Variants in SAMSN1 observed in about 807,000 individuals in gnomAD.
SAMSN1 encodes the protein SAM domain, SH3 domain and nuclear localization signals 1, also known as SAM domain-containing protein SAMSN-1.
SAMSN1 carries 31 observed loss-of-function variants against 42.0 expected under a neutral mutation model. The observed-to-expected ratio is 0.74, with a 90% CI of 0.55 to 1.00. The LOEUF is 1.00. Ranked by LOEUF, SAMSN1 falls within the 50% of genes least tolerant of loss-of-function variation. The pLI, the probability that SAMSN1 is intolerant of heterozygous loss-of-function variation, is 0.00. For missense variants in SAMSN1, 464 were observed against 439.4 expected (o/e 1.06, Z -0.50); for synonymous variants, 178 against 151.9 (o/e 1.17, Z -1.26).
At chr21:14,644,555 C>G (rs1983676131) in intron 1 of SAMSN1, among the ~76,000 whole-genome samples, 1 of 152,116 alleles carries the variant, frequency 6.6e-6, no homozygotes. Flanking sequence ...GGGAAAGCCT[C>G]TGAGACTTAG....
chr21:14,582,723 G>T (rs1339288722), intron 1 of SAMSN1, among the ~76,000 whole-genome samples: 1 of 151,900 alleles, frequency 6.6e-6, no homozygotes, highest in African/African-American at 2.4e-5. Flanking sequence ...CATAACAATT[G>T]ATTAAATTCT....
At chr21:14,538,458 A>G (rs991431474) in intron 1 of SAMSN1, among the ~76,000 whole-genome samples, 5 of 152,116 alleles carry the variant, frequency 3.3e-5, no homozygotes, top group Non-Finnish European at 4.4e-5. Flanking sequence ...AATAATGTCT[A>G]CCTCCTGGGG....
At chr21:14,488,264 G>A (rs1406690563) in intron 7 of SAMSN1, among the ~76,000 whole-genome samples, 1 of 152,092 alleles carries the variant, frequency 6.6e-6, no homozygotes, top group African/African-American at 2.4e-5. Flanking sequence ...CCCAGATTAT[G>A]TTTGGGCCAA....
At chr21:14,570,050 G>C (rs1012776543) in intron 2 of SAMSN1, among the ~76,000 whole-genome samples, 1 of 151,770 alleles carries the variant, frequency 6.6e-6, no homozygotes, top group African/African-American at 2.4e-5. Context: ...AATCATTCTG[G>C]GTTCACACAG....
At chr21:14,533,063 C>T (rs954632836) in intron 1 of SAMSN1, among the ~76,000 whole-genome samples, 1 of 151,978 alleles carries the variant, frequency 6.6e-6, no homozygotes. Context: ...CACATGTGCA[C>T]CACCATGCTC....
intron 7 of SAMSN1, among the ~76,000 whole-genome samples, chr21:14,493,577 A>ACG (rs1173406798): frequency 2.0e-5 from 1 of 49,542 alleles, no homozygotes; most frequent in Non-Finnish European, 5.8e-5. Context: ...ATGGAACAAC[A>ACG]CACACACACA....
Position 14,532,811 on chromosome 21 carries a change from AAAG to A in SAMSN1, c.58-11593_58-11591del, listed in dbSNP as rs767419299. Among the ~76,000 whole-genome samples, 127 of 152,236 alleles carry A rather than the reference AAAG, an allele frequency of 8.3e-4. No individual in the cohort carries two copies. The Middle Eastern group carries it at 0.017, about 20-fold the overall frequency. ...TAACATACAAATCAAACAAAAGATA[AAAG>A]ATGATTGCTATGTAATAACTTACAA... On this transcript the variant is annotated intron_variant, in intron 1 of 7. Transcript: ENST00000400566.
At chr21:14,655,041 A>G (rs941052781) in intron 1 of SAMSN1, among the ~76,000 whole-genome samples, 2 of 151,948 alleles carry the variant, frequency 1.3e-5, no homozygotes, top group Admixed American at 6.6e-5. Flanking sequence ...TTAAGAAAGA[A>G]TATATATAAT....
At chr21:14,602,927 T>G (rs1982472807) in intron 5 of SAMSN1, among the ~76,000 whole-genome samples, 1 of 152,214 alleles carries the variant, frequency 6.6e-6, no homozygotes, top group South Asian at 2.1e-4. Flanking sequence ...CAGATTTTTC[T>G]CCAGATCTCC....
intron 5 of SAMSN1, among the ~76,000 whole-genome samples, chr21:14,507,233 C>T (rs549540305): frequency 6.6e-6 from 1 of 152,222 alleles, no homozygotes; most frequent in South Asian, 2.1e-4. Flanking sequence ...ATCTAAATCA[C>T]TGAAGATGAA....
intron 2 of SAMSN1, among the ~76,000 whole-genome samples, chr21:14,636,997 C>T (rs1377387602): frequency 6.6e-6 from 1 of 152,176 alleles, no homozygotes; most frequent in Non-Finnish European, 1.5e-5. Context: ...ATCTATACTT[C>T]CCTAAGTGAA....
chr21:14,647,991 C>G (rs1334400283), intron 1 of SAMSN1, among the ~76,000 whole-genome samples: 1 of 150,164 alleles, frequency 6.7e-6, no homozygotes, highest in Non-Finnish European at 1.5e-5. Context: ...CTTCTCCTGC[C>G]TAATTGCCCT....
At chr21:14,636,014 A>G (rs1983459533) in intron 2 of SAMSN1, among the ~76,000 whole-genome samples, 1 of 151,968 alleles carries the variant, frequency 6.6e-6, no homozygotes, top group Admixed American at 6.6e-5. Context: ...CCTGTGTCCA[A>G]GTGTTCTCAT....
chr21:14,625,182 G>A (rs1374269764), intron 2 of SAMSN1, among the ~76,000 whole-genome samples: 1 of 151,996 alleles, frequency 6.6e-6, no homozygotes, highest in East Asian at 1.9e-4. Context: ...TACTGAATGG[G>A]CAAAAACTGG....
chr21:14,625,079 C>A (rs866327636), intron 2 of SAMSN1, among the ~76,000 whole-genome samples: 1 of 152,044 alleles, frequency 6.6e-6, no homozygotes, highest in Non-Finnish European at 1.5e-5. Context: ...ATTCAACTGC[C>A]CTTCATGCTA....
At chr21:14,503,203 T>C (rs1987248581) in intron 5 of SAMSN1, among the ~76,000 whole-genome samples, 3 of 152,110 alleles carry the variant, frequency 2.0e-5, no homozygotes, top group Non-Finnish European at 4.4e-5. Flanking sequence ...GGAGATTATC[T>C]TGATGGGTCT....
chr21:14,549,950 C>T (rs944588240), upstream of SAMSN1, among the ~76,000 whole-genome samples: 11 of 151,544 alleles, frequency 7.3e-5, no homozygotes, highest in African/African-American at 2.7e-4. Context: ...CTCTTTCTTT[C>T]TCAGTGTTTC....
At chr21:14,625,618 G>T (rs1014165817) in intron 2 of SAMSN1, among the ~76,000 whole-genome samples, 15 of 152,178 alleles carry the variant, frequency 9.9e-5, no homozygotes, top group Admixed American at 6.5e-5. Flanking sequence ...ACTGCTCAAT[G>T]AGATAAAAGA....
At chr21:14,587,092 TTCTC>T (rs1174922883), upstream of SAMSN1, among the ~76,000 whole-genome samples, 2 of 152,190 alleles carry the variant, frequency 1.3e-5, no homozygotes, top group Non-Finnish European at 2.9e-5. Flanking sequence ...AGTTTTGTTC[TTCTC>T]TCTCTACTGA....
Sources: gnomAD v4.1 joint callset for allele counts (sites outside exome capture counted in the v4.1 genomes callset) on GRCh38, gnomAD v4.1.1 for gene constraint, MANE v1.5 for transcripts, NCBI Gene and HGNC (gene_info 2026-07-23, HGNC 2026-07-21) for gene names.